The following UGGT1 variants were observed in gnomAD, a reference collection of about 807,000 sequenced individuals.
The protein encoded by UGGT1 is UDP-glucose:glycoprotein glucosyltransferase 1.
A neutral mutation model predicts 203.9 loss-of-function variants in UGGT1; 107 were observed. That is an observed-to-expected ratio of 0.52 (90% CI 0.45 to 0.62). The LOEUF is 0.62. Among genes scored for constraint, UGGT1 ranks in the 20% least tolerant of loss-of-function variants. UGGT1 has a pLI of 0.00. For missense variants in UGGT1, 1,673 were observed against 1,867.2 expected (o/e 0.90, Z 1.92); for synonymous variants, 628 against 653.5 (o/e 0.96, Z 0.59).
At chr2:128,171,346 G>A (rs1691093212) in intron 28 of UGGT1, 62 bp downstream of exon 28, 6 of 1,431,596 alleles carry the variant, frequency 4.2e-6, no homozygotes, top group Non-Finnish European at 5.8e-6. Flanking sequence ...TTCTGATATT[G>A]CATGTTAGAG....
intron 2 of UGGT1, among the ~76,000 whole-genome samples, chr2:128,100,428 TG>T (rs1687325669): frequency 6.6e-6 from 1 of 151,774 alleles, no homozygotes; most frequent in African/African-American, 2.4e-5. Flanking sequence ...TTTTTTGAGA[TG>T]GAGTTTCGCT....
intron 17 of UGGT1, among the ~76,000 whole-genome samples, chr2:128,144,170 C>T (rs1056694834): frequency 5.9e-5 from 9 of 152,106 alleles, no homozygotes; most frequent in African/African-American, 1.9e-4. Context: ...ATATTATCTT[C>T]GAGTCCTTAC....
At chr2:128,156,607 G>A (rs1319864600) in intron 21 of UGGT1, among the ~76,000 whole-genome samples, 192 bp downstream of exon 21, 1 of 149,592 alleles carries the variant, frequency 6.7e-6, no homozygotes, top group African/African-American at 2.5e-5. Context: ...ACCCAGGCTG[G>A]AGTGCAGTAC....
Position 128,172,642 on chromosome 2 carries a change from C to A in UGGT1, c.3174C>A (p.Ile1058=), listed in dbSNP as rs150916339. ...TSDNSFAKGP[I]AKFLDMPQSP... is the part of the protein sequence containing the mutation. ...ACAATAGTTTTGCTAAGGGTCCAAT[C>A]GCAAAATTTTTGGATATGCCTCAGT... Residue 1058 remains isoleucine (I), a synonymous_variant, in exon 29 of 41, where the codon ATC becomes ATA. Transcript: ENST00000259253. 10 of 1,613,970 alleles carry A rather than the reference C, an allele frequency of 6.2e-6. No homozygotes were observed. The highest frequency in any genetic ancestry group is 8.5e-6 in the Non-Finnish European group (10 of 1,180,014).
At chr2:128,163,858 A>G (rs1308027964) in intron 25 of UGGT1, among the ~76,000 whole-genome samples, 1 of 152,048 alleles carries the variant, frequency 6.6e-6, no homozygotes, top group Non-Finnish European at 1.5e-5. Flanking sequence ...TTTTGTATCC[A>G]TAAATGTAAC....
chr2:128,184,951 G>A (rs1691897654), intron 38 of UGGT1, among the ~76,000 whole-genome samples: 1 of 152,146 alleles, frequency 6.6e-6, no homozygotes, highest in South Asian at 2.1e-4. Context: ...CAAAGTGCCG[G>A]GATTACAATC....
chr2:128,138,317 C>T (rs1057320444), intron 15 of UGGT1, among the ~76,000 whole-genome samples: 58 of 152,056 alleles, frequency 3.8e-4, no homozygotes, highest in Non-Finnish European at 1.2e-4. Context: ...GTCAGGAGTT[C>T]GACACCAGCC....
rs778654544 is a variant in UGGT1, at chr2:128,109,727, C to G, written c.502C>G (p.Leu168Val). The G allele has an allele frequency of 1.2e-6, 2 of 1,613,480 alleles. No individual in the cohort carries two copies. The highest frequency in any genetic ancestry group is 1.1e-5 in the South Asian group (1 of 91,072). Residue 168 changes from leucine (L) to valine (V), a missense_variant, in exon 5 of 41, where the codon CTA (leucine) becomes GTA (valine). Leu to Val is a conservative substitution (Grantham distance 32). Around this residue, in one of 4 missense-constraint regions of UGGT1, gnomAD observed 1,073 missense variants for 1,078.7 expected, o/e 0.99. Coordinates refer to ENST00000259253, the MANE Select transcript of UGGT1 (RefSeq NM_020120.4). ...TGAATCTGATACCCTTGAGGCTCTTCTACTGACAGCCTCTGAAAGGTAGAT... is the reference window on the plus strand; with the variant it reads ...TGAATCTGATACCCTTGAGGCTCTTGTACTGACAGCCTCTGAAAGGTAGAT... The part of the protein sequence containing the change: ...TCESDTLEAL[L>V]LTASERPKPL...
chr2:128,129,087 A>C lies in UGGT1; in HGVS notation c.1285A>C (p.Ile429Leu). The C allele has an allele frequency of 1.2e-6, 2 of 1,614,076 alleles. No individual in the cohort carries two copies. Among genetic ancestry groups the C allele is most frequent in the Non-Finnish European group, 1.7e-6 (2 of 1,179,998 alleles). Reference sequence around the variant, plus strand: ...AATGGAGGGTCTGCATAGATTGGGAATAGAAGGCCTTTCTCTGCATAATGT... The same window carrying C: ...AATGGAGGGTCTGCATAGATTGGGACTAGAAGGCCTTTCTCTGCATAATGT... ...RVMEGLHRLG[I>L]EGLSLHNVLK... The change falls in exon 13 of 41, where the codon ATA becomes CTA. Residue 429 changes from isoleucine (I) to leucine (L), a missense_variant. Coordinates refer to ENST00000259253, the MANE Select transcript of UGGT1 (RefSeq NM_020120.4).
intron 5 of UGGT1, among the ~76,000 whole-genome samples, chr2:128,112,671 C>A (rs1283388325): frequency 2.0e-5 from 3 of 149,862 alleles, no homozygotes; most frequent in Non-Finnish European, 3.0e-5. Flanking sequence ...CACCCTCGAC[C>A]TCTGGGGCTC....
At chr2:128,120,250 C>A in intron 8 of UGGT1, 106 bp from the exon 9 acceptor site, 1 of 989,776 alleles carries the variant, frequency 1.0e-6, no homozygotes. Flanking sequence ...TAGAAAATTT[C>A]CTAGGGTTGG....
intron 23 of UGGT1, among the ~76,000 whole-genome samples, 190 bp downstream of exon 23, chr2:128,159,910 A>G (rs559130241): frequency 8.6e-5 from 13 of 151,832 alleles, no homozygotes; most frequent in African/African-American, 3.1e-4. Context: ...GTGGTGCATG[A>G]TTTGAGTTTT....
chr2:128,155,371 T>TA (rs1183975135), intron 19 of UGGT1, 118 bp from the exon 20 acceptor site: 1 of 732,360 alleles, frequency 1.4e-6, no homozygotes, highest in African/African-American at 1.8e-5. Context: ...TGGAACTTAA[T>TA]ATACTTCACT....
chr2:128,139,295 A>G (rs1329691169), intron 16 of UGGT1, among the ~76,000 whole-genome samples: 2 of 152,106 alleles, frequency 1.3e-5, no homozygotes, highest in South Asian at 4.1e-4. Context: ...TGTGTTGCTC[A>G]AGCTGGTCTC....
chr2:128,098,745 T>C (rs1687229862), intron 2 of UGGT1, among the ~76,000 whole-genome samples: 1 of 138,184 alleles, frequency 7.2e-6, no homozygotes, highest in South Asian at 2.2e-4. Flanking sequence ...CAAGACTCCG[T>C]CTCAAAAAAA....
chr2:128,092,859 G>A (rs569726173), intron 1 of UGGT1, among the ~76,000 whole-genome samples: 1 of 151,952 alleles, frequency 6.6e-6, no homozygotes, highest in Non-Finnish European at 1.5e-5. Context: ...GTTAAAGAGT[G>A]TTTTCTGTTT....
intron 25 of UGGT1, among the ~76,000 whole-genome samples, chr2:128,161,908 TTTAA>T (rs1690545374): frequency 6.6e-6 from 1 of 152,216 alleles, no homozygotes; most frequent in South Asian, 2.1e-4. Context: ...TATTTCTATG[TTTAA>T]TTGTTTGAGG....
chr2:128,165,031 CATTT>C (rs1357707795), intron 26 of UGGT1, among the ~76,000 whole-genome samples: 1 of 152,178 alleles, frequency 6.6e-6, no homozygotes, highest in Admixed American at 6.5e-5. Flanking sequence ...TGAAAACTGA[CATTT>C]ATTTCTAAAT....
chr2:128,125,454 CTTG>C (rs1688559980), intron 11 of UGGT1, among the ~76,000 whole-genome samples: 1 of 152,170 alleles, frequency 6.6e-6, no homozygotes, highest in African/African-American at 2.4e-5. Flanking sequence ...ACACAGGTTT[CTTG>C]TTGACCTTTC....
Sources: gnomAD v4.1 joint callset for allele counts (sites outside exome capture counted in the v4.1 genomes callset) on GRCh38, gnomAD v4.1.1 for gene constraint, gnomAD v4.1.1 regional missense constraint, MANE v1.5 for transcripts, NCBI Gene and HGNC (gene_info 2026-07-23, HGNC 2026-07-21) for gene names.